Variants in MYO5B observed in about 807,000 individuals in gnomAD.
MYO5B encodes the protein myosin VB, also known as unconventional myosin-Vb.
MYO5B carries 143 observed loss-of-function variants against 229.3 expected under a neutral mutation model. The ratio of observed to expected loss-of-function variants is 0.62; its 90% CI spans 0.54 to 0.72. MYO5B has a LOEUF of 0.72. Among genes scored for constraint, MYO5B ranks in the 30% least tolerant of loss-of-function variants. The pLI is 0.00. For missense variants in MYO5B, 2,321 were observed against 2,331.0 expected (o/e 1.00, Z 0.09); for synonymous variants, 918 against 885.2 (o/e 1.04, Z -0.66).
chr18:50,033,912 T>TG (rs1486415838), intron 4 of MYO5B, among the ~76,000 whole-genome samples: 8 of 136,784 alleles, frequency 5.8e-5, no homozygotes, highest in African/African-American at 1.9e-4. Context: ...CTGGAACTCT[T>TG]GGGGGGTGGG....
intron 22 of MYO5B, among the ~76,000 whole-genome samples, chr18:49,886,023 C>T (rs933388967): frequency 6.6e-6 from 1 of 151,962 alleles, no homozygotes; most frequent in Admixed American, 6.5e-5. Context: ...ACTGCAGCCT[C>T]GACCTCCCCA....
chr18:50,130,089 T>C (rs9961450), intron 1 of MYO5B, among the ~76,000 whole-genome samples: 3,876 of 152,176 alleles, frequency 0.025, 156 homozygotes, highest in African/African-American at 0.088. Context: ...AACAGAAACA[T>C]TGATGCAACC....
chr18:50,184,885 C>G (rs1435739591), intron 1 of MYO5B, among the ~76,000 whole-genome samples: 3 of 106,656 alleles, frequency 2.8e-5, no homozygotes, highest in African/African-American at 1.1e-4. Flanking sequence ...CACACACACA[C>G]ACACACACAG....
In MYO5B at chr18:50,194,851, C is replaced by A; in HGVS notation, c.-58G>T. 8.0e-7 allele frequency: 1 copy of A among 1,254,142 alleles called. No homozygotes were observed. The highest frequency in any genetic ancestry group is 1.0e-6 in the Non-Finnish European group (1 of 1,004,150). The allele number at this position is 1,254,142 out of a possible 1,614,324, so 77.7% of individuals were successfully genotyped here. ...CCTGGCTGCCCCGCGGCTCTCAGTC[C>A]GCGGCTGGCCCGCCTGGCGCCATGT... On this transcript the variant is annotated 5_prime_UTR_variant, in exon 1 of 40. Transcript: ENST00000285039.
intron 1 of MYO5B, among the ~76,000 whole-genome samples, chr18:50,162,651 T>C (rs1471644149): frequency 3.3e-5 from 5 of 152,188 alleles, no homozygotes; most frequent in Non-Finnish European, 7.3e-5. Context: ...CATCACATTA[T>C]CCACTAATGC....
intron 1 of MYO5B, among the ~76,000 whole-genome samples, chr18:50,108,788 G>C (rs1180012300): frequency 1.3e-5 from 2 of 152,194 alleles, no homozygotes; most frequent in Non-Finnish European, 2.9e-5. Context: ...AGGATACCAG[G>C]TATGTAGATA....
At chr18:49,846,690 G>A (rs1323872198) in intron 33 of MYO5B, among the ~76,000 whole-genome samples, 1 of 152,136 alleles carries the variant, frequency 6.6e-6, no homozygotes, top group African/African-American at 2.4e-5. Flanking sequence ...GTTTCCTTCA[G>A]TGTAAAATGA....
At chr18:49,924,392 G>A (rs772361954) in intron 17 of MYO5B, among the ~76,000 whole-genome samples, 9 of 152,190 alleles carry the variant, frequency 5.9e-5, no homozygotes, top group African/African-American at 9.7e-5. Flanking sequence ...GGGAAACCTA[G>A]GCTCATTGAG....
chr18:50,175,500 ATTTC>A (rs2032982859), intron 1 of MYO5B, among the ~76,000 whole-genome samples: 1 of 152,216 alleles, frequency 6.6e-6, no homozygotes, highest in Non-Finnish European at 1.5e-5. Context: ...TTGGAAACCT[ATTTC>A]TTTAAGAAAA....
intron 4 of MYO5B, among the ~76,000 whole-genome samples, chr18:50,022,899 GC>G (rs1361539370): frequency 6.6e-6 from 1 of 152,138 alleles, no homozygotes; most frequent in Admixed American, 6.5e-5. Flanking sequence ...TAAGGAAGAA[GC>G]CCAGCCTAAA....
At chr18:50,192,075 GAA>G (rs33915528) in intron 1 of MYO5B, among the ~76,000 whole-genome samples, 65,728 of 149,148 alleles carry the variant, frequency 0.44, 15,356 homozygotes, top group African/African-American at 0.62. Context: ...CCATTTGAGA[GAA>G]AAAAAAAAAA....
chr18:49,858,550 C>G (rs1023943141), intron 29 of MYO5B, among the ~76,000 whole-genome samples: 3 of 152,198 alleles, frequency 2.0e-5, no homozygotes, highest in Admixed American at 2.0e-4. Flanking sequence ...TGCTGGGGCT[C>G]TGTCTCAGAG....
intron 1 of MYO5B, among the ~76,000 whole-genome samples, chr18:50,098,219 C>T (rs1366472707): frequency 6.6e-6 from 1 of 152,200 alleles, no homozygotes; most frequent in Non-Finnish European, 1.5e-5. Flanking sequence ...ACTTCAACAA[C>T]AGTTAATACC....
intron 22 of MYO5B, among the ~76,000 whole-genome samples, chr18:49,886,834 A>G (rs2024648109): frequency 6.6e-6 from 1 of 152,110 alleles, no homozygotes; most frequent in African/African-American, 2.4e-5. Flanking sequence ...AGTATGACAC[A>G]GGGCAAGGCT....
At chr18:50,105,133 G>C (rs565030540) in intron 1 of MYO5B, among the ~76,000 whole-genome samples, 1 of 151,634 alleles carries the variant, frequency 6.6e-6, no homozygotes, top group South Asian at 2.1e-4. Flanking sequence ...CCAAGATGAG[G>C]CTGGAAGAAG....
intron 1 of MYO5B, among the ~76,000 whole-genome samples, chr18:50,116,687 G>A (rs758753480): frequency 2.0e-5 from 3 of 151,754 alleles, no homozygotes; most frequent in Non-Finnish European, 2.9e-5. Context: ...GTGGTCCCTG[G>A]ATCAGCCGCA....
At position 49,953,296 on chromosome 18, in the gene MYO5B, C is replaced by T. The variant is rs1240088490; in HGVS notation, c.1716G>A (p.Val572=). 1.9e-6 allele frequency: 3 copies of T among 1,614,170 alleles called. No homozygotes were observed. The Admixed American group carries it at 5.0e-5, about 27-fold the overall frequency. ...TCAGGATATTGATCTGCTCTTCATA[C>T]ACCGTGTCTCTGTTTTTCTCCAGAA... ...DGFLEKNRDT[V]YEEQINILKA... Residue 572 remains valine, a synonymous_variant, in exon 14 of 40, where the codon GTG becomes GTA. Coordinates refer to ENST00000285039, the MANE Select transcript of MYO5B (RefSeq NM_001080467.3).
intron 9 of MYO5B, among the ~76,000 whole-genome samples, chr18:49,978,493 C>T (rs2144289844): frequency 6.6e-6 from 1 of 152,124 alleles, no homozygotes; most frequent in South Asian, 2.1e-4. Context: ...ACTAAGATCT[C>T]AGAATTGCCC....
intron 1 of MYO5B, among the ~76,000 whole-genome samples, chr18:50,167,172 C>T (rs2032864312): frequency 6.6e-6 from 1 of 152,232 alleles, no homozygotes; most frequent in South Asian, 2.1e-4. Context: ...TACATCTTTC[C>T]TTAGGAAAAT....
Sources: allele counts gnomAD v4.1 joint callset (sites outside exome capture counted in the v4.1 genomes callset), GRCh38; gene constraint gnomAD v4.1.1; transcripts MANE v1.5; gene names NCBI Gene and HGNC (gene_info 2026-07-23, HGNC 2026-07-21).